ARHGAP26: variants seen among roughly 807,000 people sequenced by gnomAD.
The protein encoded by ARHGAP26 is rho GTPase-activating protein 26.
A neutral mutation model predicts 104.8 loss-of-function variants in ARHGAP26; 38 were observed. That is an observed-to-expected ratio of 0.36 (90% CI 0.28 to 0.48). The LOEUF (loss-of-function observed/expected upper bound fraction) is 0.48, where lower values mean the gene tolerates loss of function less well. Among genes scored for constraint, ARHGAP26 ranks in the 20% least tolerant of loss-of-function variants. ARHGAP26 has a pLI of 0.99. For missense variants in ARHGAP26, 704 were observed against 947.9 expected (o/e 0.74, Z 3.38); for synonymous variants, 341 against 340.0 (o/e 1.00, Z -0.03).
chr5:142,849,559 T>C (rs571622721), intron 1 of ARHGAP26, among the ~76,000 whole-genome samples: 1 of 152,332 alleles, frequency 6.6e-6, no homozygotes, highest in East Asian at 1.9e-4. Context: ...TTCTTTGTCC[T>C]GTGGATCTTC....
chr5:142,901,317 A>G (rs759976474), intron 6 of ARHGAP26, among the ~76,000 whole-genome samples: 1 of 152,358 alleles, frequency 6.6e-6, no homozygotes, highest in Non-Finnish European at 1.5e-5. Flanking sequence ...GGAAACCACC[A>G]TAAGTGAAAA....
At chr5:143,150,884 C>T (rs548954930) in intron 20 of ARHGAP26, among the ~76,000 whole-genome samples, 68 of 152,192 alleles carry the variant, frequency 4.5e-4, no homozygotes, top group African/African-American at 1.4e-3. Flanking sequence ...TTAGATACAA[C>T]GTTAAAAGTA....
intron 1 of ARHGAP26, among the ~76,000 whole-genome samples, chr5:142,836,773 A>G (rs1769658479): frequency 6.6e-6 from 1 of 152,204 alleles, no homozygotes; most frequent in Admixed American, 6.5e-5. Context: ...AAACCTTTGG[A>G]TCAGATACCA....
intron 20 of ARHGAP26, among the ~76,000 whole-genome samples, chr5:143,206,528 A>G (rs761375787): frequency 8.5e-5 from 13 of 152,170 alleles, no homozygotes; most frequent in Non-Finnish European, 1.9e-4. Context: ...TTCTTTGAGT[A>G]TCGTAATGCC....
At position 143,104,907 on chromosome 5, in the gene ARHGAP26, A is replaced by G. The variant is rs991210379; in HGVS notation, c.1539-16081A>G. 4.7e-5 allele frequency among the ~76,000 whole-genome samples: 7 copies of G among 149,778 alleles called. No homozygotes were observed. In the East Asian group the frequency reaches 1.2e-3, roughly 25 times the overall value. On this transcript the variant is annotated intron_variant, in intron 17 of 22. Coordinates refer to ENST00000645722, the MANE Select transcript of ARHGAP26 (RefSeq NM_001135608.3). ...CGTATACCTTAAAACATTGAATAAC[A>G]TTTAGTTATTTCTGGATGGTAGAAT... is the stretch of plus-strand genomic sequence containing the variant.
chr5:142,948,103 C>T (rs190955912), intron 11 of ARHGAP26, among the ~76,000 whole-genome samples: 28 of 152,200 alleles, frequency 1.8e-4, no homozygotes, highest in Admixed American at 4.6e-4. Context: ...CCTTTTCAGA[C>T]GCGGGCTTTG....
At chr5:142,906,448 G>A (rs189296408) in intron 8 of ARHGAP26, among the ~76,000 whole-genome samples, 72 of 152,278 alleles carry the variant, frequency 4.7e-4, no homozygotes, top group Admixed American at 1.2e-3. Context: ...TTTAATAGTT[G>A]CCATTCAGTG....
chr5:142,913,911 C>T (rs953370406), intron 10 of ARHGAP26, among the ~76,000 whole-genome samples: 4 of 152,158 alleles, frequency 2.6e-5, no homozygotes, highest in African/African-American at 7.2e-5. Context: ...GCTAGTTTGA[C>T]AACATTCCAA....
At chr5:143,001,366 A>G (rs1777169304) in intron 11 of ARHGAP26, among the ~76,000 whole-genome samples, 1 of 152,182 alleles carries the variant, frequency 6.6e-6, no homozygotes, top group Non-Finnish European at 1.5e-5. Flanking sequence ...ACTTTAGATG[A>G]TATGTGTTCT....
intron 17 of ARHGAP26, among the ~76,000 whole-genome samples, chr5:143,065,668 C>A (rs1787372590): frequency 6.6e-6 from 1 of 152,242 alleles, no homozygotes; most frequent in Non-Finnish European, 1.5e-5. Context: ...ATTGCAGCCA[C>A]CACTGAGATG....
chr5:142,779,781 TCAAA>T (rs1757128875), intron 1 of ARHGAP26, among the ~76,000 whole-genome samples: 1 of 152,234 alleles, frequency 6.6e-6, no homozygotes, highest in Non-Finnish European at 1.5e-5. Flanking sequence ...AAGGAGACTG[TCAAA>T]CAGATAGGAC....
At chr5:142,809,415 C>G (rs1459432911) in intron 1 of ARHGAP26, among the ~76,000 whole-genome samples, 1 of 152,168 alleles carries the variant, frequency 6.6e-6, no homozygotes, top group Non-Finnish European at 1.5e-5. Flanking sequence ...TCTGCATTCC[C>G]AGCAGCACTC....
At chr5:143,006,358 T>G (rs2152800175) in intron 11 of ARHGAP26, among the ~76,000 whole-genome samples, 1 of 151,150 alleles carries the variant, frequency 6.6e-6, no homozygotes, top group Admixed American at 6.6e-5. Flanking sequence ...TTCTCTCTTA[T>G]GCTCTCTATT....
intron 17 of ARHGAP26, among the ~76,000 whole-genome samples, chr5:143,098,812 A>G (rs566575706): frequency 6.6e-6 from 1 of 152,356 alleles, no homozygotes; most frequent in East Asian, 1.9e-4. Flanking sequence ...ATATTAAGAA[A>G]TTAACACATT....
chr5:142,915,682 G>C (rs1055159017), intron 10 of ARHGAP26: 1 of 152,178 alleles, frequency 6.6e-6, no homozygotes, highest in African/African-American at 2.4e-5. Flanking sequence ...TAATGAACAG[G>C]AGGTAAGTAG....
At chr5:142,914,939 T>C (rs950865903) in intron 10 of ARHGAP26, among the ~76,000 whole-genome samples, 1 of 152,180 alleles carries the variant, frequency 6.6e-6, no homozygotes, top group Non-Finnish European at 1.5e-5. Flanking sequence ...AATGCACAGT[T>C]CCTAGAGATA....
chr5:142,910,116 A>G (rs1204989979), intron 9 of ARHGAP26, among the ~76,000 whole-genome samples: 1 of 152,154 alleles, frequency 6.6e-6, no homozygotes, highest in Non-Finnish European at 1.5e-5. Context: ...TTTTCCTAGT[A>G]ATTCCTTACA....
At chr5:143,064,063 A>G (rs564310117) in intron 17 of ARHGAP26, among the ~76,000 whole-genome samples, 1 of 152,234 alleles carries the variant, frequency 6.6e-6, no homozygotes, top group Non-Finnish European at 1.5e-5. Flanking sequence ...TACTGTTTTG[A>G]AACTTTGAAC....
chr5:142,902,755 A>G (rs753748892), intron 7 of ARHGAP26, among the ~76,000 whole-genome samples: 17 of 152,240 alleles, frequency 1.1e-4, no homozygotes, highest in African/African-American at 4.1e-4. Context: ...CTCAGAGAAC[A>G]GGAAGTTGCA....
Sources: gnomAD v4.1 joint callset for allele counts (sites outside exome capture counted in the v4.1 genomes callset) on GRCh38, gnomAD v4.1.1 for gene constraint, MANE v1.5 for transcripts, NCBI Gene and HGNC (gene_info 2026-07-23, HGNC 2026-07-21) for gene names.